UMAD1: variants seen among roughly 807,000 people sequenced by gnomAD.
UMAD1 encodes UBAP1-MVB12-associated (UMA) domain containing 1, also known as UBAP1-MVB12-associated (UMA)-domain containing protein 1.
Under a neutral mutation model 6.1 loss-of-function variants are expected in UMAD1, and 8 were observed. The ratio of observed to expected loss-of-function variants is 1.30; its 90% CI spans 0.76 to 2.35. The LOEUF (loss-of-function observed/expected upper bound fraction) is 2.35, where lower values mean the gene tolerates loss of function less well. Ranked by LOEUF, UMAD1 falls within the 30% of genes most tolerant of loss-of-function variation. The pLI, the probability that UMAD1 is intolerant of heterozygous loss-of-function variation, is 0.00. For missense variants in UMAD1, 130 were observed against 78.4 expected (o/e 1.66, Z -2.49); for synonymous variants, 56 against 31.4 (o/e 1.78, Z -2.61).
intron 3 of UMAD1, among the ~76,000 whole-genome samples, chr7:7,870,209 A>G (rs550607606): frequency 6.4e-4 from 97 of 152,340 alleles, no homozygotes; most frequent in African/African-American, 2.3e-3. Flanking sequence ...ATAAATAAGA[A>G]TATTAACTTT....
At chr7:7,677,906 C>T (rs1416354916) in intron 2 of UMAD1, among the ~76,000 whole-genome samples, 1 of 151,666 alleles carries the variant, frequency 6.6e-6, no homozygotes, top group East Asian at 1.9e-4. Context: ...ATCTCCTGAC[C>T]TCGTGATCCG....
intron 1 of UMAD1, among the ~76,000 whole-genome samples, chr7:7,657,638 T>G (rs1785374900): frequency 6.6e-6 from 1 of 152,210 alleles, no homozygotes. Flanking sequence ...GTGGTATTAT[T>G]TCTGAGGGCT....
At chr7:7,819,294 T>G (rs940673491) in intron 3 of UMAD1, among the ~76,000 whole-genome samples, 3 of 148,634 alleles carry the variant, frequency 2.0e-5, no homozygotes, top group Non-Finnish European at 4.5e-5. Flanking sequence ...CTTCAAACCA[T>G]GAATATATTA....
chr7:7,773,980 G>C (rs962611938), intron 2 of UMAD1, among the ~76,000 whole-genome samples: 1 of 152,172 alleles, frequency 6.6e-6, no homozygotes, highest in African/African-American at 2.4e-5. Context: ...GCTCTCTACT[G>C]ATTTCTTTTG....
chr7:7,662,512 C>T (rs115859753), intron 1 of UMAD1, among the ~76,000 whole-genome samples: 161 of 152,278 alleles, frequency 1.1e-3, no homozygotes, highest in African/African-American at 3.4e-3. Flanking sequence ...GTATCCGGAC[C>T]GGAGTGCACT....
intron 2 of UMAD1, among the ~76,000 whole-genome samples, chr7:7,698,078 A>G (rs1366727833): frequency 6.6e-6 from 1 of 152,218 alleles, no homozygotes; most frequent in Non-Finnish European, 1.5e-5. Context: ...GCTAGACAAT[A>G]TGTTATCTGA....
At chr7:7,843,145 G>T (rs1783714968) in intron 3 of UMAD1, among the ~76,000 whole-genome samples, 3 of 152,186 alleles carry the variant, frequency 2.0e-5, no homozygotes, top group South Asian at 2.1e-4. Flanking sequence ...GCCACTTTAA[G>T]AAAGAAAAGC....
intron 2 of UMAD1, among the ~76,000 whole-genome samples, chr7:7,800,442 C>T (rs1444197382): frequency 6.6e-6 from 1 of 151,116 alleles, no homozygotes; most frequent in Non-Finnish European, 1.5e-5. Context: ...ACTTTAATCA[C>T]TTTTTTTTTA....
chr7:7,669,084 G>GTT (rs11340786), intron 1 of UMAD1, among the ~76,000 whole-genome samples: 1 of 148,894 alleles, frequency 6.7e-6, no homozygotes. Flanking sequence ...TGGGAATCAA[G>GTT]TTTTTTTTTT....
chr7:7,663,592 C>T, intron 1 of UMAD1, among the ~76,000 whole-genome samples: 1 of 151,880 alleles, frequency 6.6e-6, no homozygotes, highest in Middle Eastern at 3.4e-3. Context: ...AGGATTAAAT[C>T]AGGTCTCTAC....
At chr7:7,688,334 C>G (rs1780087266) in intron 2 of UMAD1, among the ~76,000 whole-genome samples, 1 of 152,094 alleles carries the variant, frequency 6.6e-6, no homozygotes, top group Non-Finnish European at 1.5e-5. Context: ...GGTACCTTTA[C>G]TAGTTTGGCG....
At chr7:7,817,458 C>A (rs1433553078) in intron 3 of UMAD1, among the ~76,000 whole-genome samples, 1 of 152,212 alleles carries the variant, frequency 6.6e-6, no homozygotes, top group East Asian at 1.9e-4. Flanking sequence ...AACCTCCTTA[C>A]CTTTCGGTGC....
intron 2 of UMAD1, among the ~76,000 whole-genome samples, chr7:7,795,967 A>C (rs1782668863): frequency 6.6e-6 from 1 of 152,098 alleles, no homozygotes; most frequent in Non-Finnish European, 1.5e-5. Context: ...AGCAGGTCTA[A>C]GCCTCATTTT....
chr7:7,668,816 A>T (rs941552818), intron 1 of UMAD1, among the ~76,000 whole-genome samples: 1 of 152,242 alleles, frequency 6.6e-6, no homozygotes, highest in East Asian at 1.9e-4. Context: ...GTTAAGTGCT[A>T]CAGCTGGCCA....
intron 3 of UMAD1, among the ~76,000 whole-genome samples, chr7:7,807,652 T>C (rs569637169): frequency 6.6e-6 from 1 of 152,230 alleles, no homozygotes; most frequent in Non-Finnish European, 1.5e-5. Context: ...GGTTAGTTTT[T>C]ACAGAGCTAG....
At chr7:7,775,870 T>G (rs1782194927) in intron 2 of UMAD1, among the ~76,000 whole-genome samples, 1 of 152,220 alleles carries the variant, frequency 6.6e-6, no homozygotes, top group African/African-American at 2.4e-5. Flanking sequence ...AATGTGAACC[T>G]ATAGTAATGG....
chr7:7,798,693 C>T (rs937156256), intron 2 of UMAD1, among the ~76,000 whole-genome samples: 1 of 152,194 alleles, frequency 6.6e-6, no homozygotes, highest in Non-Finnish European at 1.5e-5. Context: ...TTTCCTCCCA[C>T]CTTGGCCCTC....
chr7:7,785,470 T>G (rs984243771), intron 2 of UMAD1, among the ~76,000 whole-genome samples: 1 of 152,168 alleles, frequency 6.6e-6, no homozygotes, highest in Non-Finnish European at 1.5e-5. Flanking sequence ...CCGATCATCC[T>G]GGACTTACAA....
At chr7:7,745,737 G>A (rs920091609) in intron 2 of UMAD1, among the ~76,000 whole-genome samples, 3 of 152,150 alleles carry the variant, frequency 2.0e-5, no homozygotes, top group South Asian at 2.1e-4. Context: ...ATTTTACTTC[G>A]TGGTCTGTAA....
Sources: gnomAD v4.1 joint callset for allele counts (sites outside exome capture counted in the v4.1 genomes callset) on GRCh38, gnomAD v4.1.1 for gene constraint, MANE v1.5 for transcripts, NCBI Gene and HGNC (gene_info 2026-07-23, HGNC 2026-07-21) for gene names.